The following COL5A2 variants were observed in gnomAD, a reference collection of about 807,000 sequenced individuals.
COL5A2 encodes the protein collagen alpha-2(V) chain.
Under a neutral mutation model 208.2 loss-of-function variants are expected in COL5A2, and 23 were observed. That is an observed-to-expected ratio of 0.11 (90% CI 0.08 to 0.16). COL5A2 has a LOEUF of 0.16. Among genes scored for constraint, COL5A2 ranks in the 10% least tolerant of loss-of-function variants. The probability of loss-of-function intolerance (pLI) is 1.00; values close to 1 mark genes in which losing one functional copy is unlikely to be tolerated. For missense variants in COL5A2, 1,590 were observed against 1,956.4 expected (o/e 0.81, Z 3.53); for synonymous variants, 625 against 628.5 (o/e 0.99, Z 0.08).
the COL5A2 span, among the ~76,000 whole-genome samples, chr2:189,256,683 G>A: frequency 1.3e-5 from 2 of 151,942 alleles, no homozygotes; most frequent in African/African-American, 4.8e-5. Flanking sequence ...ATAGAGTCTC[G>A]CTCTGTTGCC....
intron 17 of COL5A2, among the ~76,000 whole-genome samples, 171 bp from the exon 18 acceptor site, chr2:189,072,264 A>G (rs1291925654): frequency 6.6e-6 from 1 of 152,234 alleles, no homozygotes; most frequent in African/African-American, 2.4e-5. Flanking sequence ...TTCAACATCA[A>G]TCTAAAGTAA....
the COL5A2 span, among the ~76,000 whole-genome samples, chr2:189,314,476 T>A: frequency 6.6e-6 from 1 of 151,940 alleles, no homozygotes; most frequent in East Asian, 1.9e-4. Context: ...AATACCCACA[T>A]CAAAAAGTTA....
intron 12 of COL5A2, among the ~76,000 whole-genome samples, chr2:189,081,992 C>T (rs532540796): frequency 1.3e-5 from 2 of 152,176 alleles, no homozygotes; most frequent in Admixed American, 6.5e-5. Flanking sequence ...GATGTGATCA[C>T]TTATTGATTA....
chr2:189,075,567 C>A, intron 16 of COL5A2, 130 bp from the exon 17 acceptor site: 1 of 694,648 alleles, frequency 1.4e-6, no homozygotes, highest in South Asian at 1.6e-5. Flanking sequence ...GACAATAACC[C>A]TCACTCAGTT....
chr2:189,101,954 A>G (rs1202689674), intron 3 of COL5A2, among the ~76,000 whole-genome samples: 1 of 152,038 alleles, frequency 6.6e-6, no homozygotes, highest in East Asian at 1.9e-4. Context: ...ACATCCACTA[A>G]CTTCTAGAGT....
chr2:189,342,292 T>C, the COL5A2 span, among the ~76,000 whole-genome samples: 2 of 148,430 alleles, frequency 1.3e-5, no homozygotes, highest in Non-Finnish European at 1.5e-5. Flanking sequence ...GGAAACAAAA[T>C]GACTACTATA....
chr2:189,214,030 T>C (rs79700672), intron 1 of COL5A2, among the ~76,000 whole-genome samples: 1 of 152,180 alleles, frequency 6.6e-6, no homozygotes, highest in Non-Finnish European at 1.5e-5. Flanking sequence ...TAGTACCTAG[T>C]GTAAACTAAG....
chr2:189,099,909 A>G (rs576646554), intron 4 of COL5A2, among the ~76,000 whole-genome samples, 198 bp downstream of exon 4: 135 of 152,344 alleles, frequency 8.9e-4, no homozygotes, highest in African/African-American at 3.1e-3. Context: ...TCATGGGACT[A>G]TAAAAGTCAG....
chr2:189,374,199 A>C, the COL5A2 span, among the ~76,000 whole-genome samples: 1 of 152,200 alleles, frequency 6.6e-6, no homozygotes, highest in Non-Finnish European at 1.5e-5. Context: ...CACATAGTGC[A>C]TGAGTGATGA....
chr2:189,103,846 A>T (rs1163300553), intron 3 of COL5A2, among the ~76,000 whole-genome samples: 1 of 151,918 alleles, frequency 6.6e-6, no homozygotes, highest in Non-Finnish European at 1.5e-5. Context: ...TCAAATTGAC[A>T]TTCTTCGTTC....
the COL5A2 span, among the ~76,000 whole-genome samples, chr2:189,326,527 C>A: frequency 1.3e-5 from 2 of 151,672 alleles, no homozygotes; most frequent in Non-Finnish European, 2.9e-5. Flanking sequence ...CTTGTCTCTA[C>A]AAGAAATAAG....
At chr2:189,081,812 C>T (rs7558610) in intron 12 of COL5A2, among the ~76,000 whole-genome samples, 132,842 of 152,138 alleles carry the variant, frequency 0.87, 58,699 homozygotes, top group Non-Finnish European at 0.95. Flanking sequence ...AATCCAGTGG[C>T]ACAACTATTT....
At chr2:189,406,890 AG>A in the COL5A2 span, among the ~76,000 whole-genome samples, 35 of 152,282 alleles carry the variant, frequency 2.3e-4, no homozygotes, top group African/African-American at 7.9e-4. Flanking sequence ...TGTAATTTAT[AG>A]GTGCTGAAGA....
At chr2:189,391,538 G>C in the COL5A2 span, among the ~76,000 whole-genome samples, 9 of 152,112 alleles carry the variant, frequency 5.9e-5, 1 homozygote, top group Admixed American at 3.3e-4. Context: ...GATGTGCAAA[G>C]TGTAATTACT....
At chr2:189,116,845 A>G (rs1310066657) in intron 1 of COL5A2, among the ~76,000 whole-genome samples, 1 of 152,182 alleles carries the variant, frequency 6.6e-6, no homozygotes, top group African/African-American at 2.4e-5. Context: ...ATTCTAAAGC[A>G]ATATAATGAC....
chr2:189,251,914 GA>G, the COL5A2 span, among the ~76,000 whole-genome samples: 805 of 151,530 alleles, frequency 5.3e-3, 7 homozygotes, highest in Admixed American at 8.6e-3. Flanking sequence ...AAATTTACAA[GA>G]AAAAAAACAA....
the COL5A2 span, among the ~76,000 whole-genome samples, chr2:189,265,476 T>C: frequency 3.3e-5 from 5 of 152,092 alleles, no homozygotes; most frequent in African/African-American, 9.7e-5. Context: ...TGTTCTGTAT[T>C]CAAATTTTTC....
chr2:189,197,462 T>A (rs1689018914), intron 1 of COL5A2, among the ~76,000 whole-genome samples: 1 of 151,950 alleles, frequency 6.6e-6, no homozygotes, highest in South Asian at 2.1e-4. Context: ...AAAAATTAAT[T>A]AATTAATTAA....
chr2:189,370,088 C>T, the COL5A2 span, among the ~76,000 whole-genome samples: 1 of 152,194 alleles, frequency 6.6e-6, no homozygotes, highest in African/African-American at 2.4e-5. Flanking sequence ...ACAATGGACA[C>T]CAAATGACTC....
Sources: gnomAD v4.1 joint callset for allele counts (sites outside exome capture counted in the v4.1 genomes callset) on GRCh38, gnomAD v4.1.1 for gene constraint, MANE v1.5 for transcripts, NCBI Gene and HGNC (gene_info 2026-07-23, HGNC 2026-07-21) for gene names.